CREB3L3: variants seen among roughly 807,000 people sequenced by gnomAD.
CREB3L3 encodes cyclic AMP-responsive element-binding protein 3-like protein 3.
Under a neutral mutation model 44.6 loss-of-function variants are expected in CREB3L3, and 40 were observed. That is an observed-to-expected ratio of 0.90 (90% CI 0.70 to 1.17). CREB3L3 has a LOEUF of 1.17. Among genes scored for constraint, CREB3L3 ranks in the 50% most tolerant of loss-of-function variants. The pLI, the probability that CREB3L3 is intolerant of heterozygous loss-of-function variation, is 0.00. For synonymous variants in CREB3L3, 273 were observed against 256.3 expected, an observed-to-expected ratio of 1.06 and a Z score of -0.62; for missense variants, 578 against 595.8, an observed-to-expected ratio of 0.97 and a Z score of 0.31.
chr19:4,172,344 C>T lies in CREB3L3; in HGVS notation c.*375C>T, dbSNP rs1967072382. On this transcript the variant is annotated 3_prime_UTR_variant, in exon 10 of 10. Coordinates refer to ENST00000078445, the MANE Select transcript of CREB3L3 (RefSeq NM_032607.3). ...ACAGACAGACAGACACAGCCTGAAA[C>T]AGACCCAGACAGACAGACAGACAGC... 2.5e-6 allele frequency: 1 copy of T among 401,168 alleles called. No individual in the cohort carries two copies. Among genetic ancestry groups the T allele is most frequent in the Non-Finnish European group, 4.6e-6 (1 of 218,248 alleles). The allele number at this position is 401,168 out of a possible 1,614,324, so 24.9% of individuals were successfully genotyped here.
Position 4,172,115 on chromosome 19 carries a change from A to C in CREB3L3, c.*146A>C. ...TGGGGGAGGCACAGCTCATAGCCAC[A>C]CACCCAGGGCCTGACTGAGGCCCAC... On this transcript the variant is annotated 3_prime_UTR_variant, in exon 10 of 10. Transcript: ENST00000078445. 1 of 890,310 alleles carries C rather than the reference A, an allele frequency of 1.1e-6. No individual in the cohort carries two copies. Among genetic ancestry groups the C allele is most frequent in the South Asian group, 1.8e-5 (1 of 56,446 alleles). The allele number at this position is 890,310 out of a possible 1,614,324, so 55.2% of individuals were successfully genotyped here. A position where few individuals can be genotyped will look rare whatever the true frequency, so the allele number is the denominator to read the frequency against.
chr19:4,168,319 C>T, intron 5 of CREB3L3, 32 bp from the exon 6 acceptor site: 3 of 1,577,008 alleles, frequency 1.9e-6, no homozygotes, highest in Non-Finnish European at 2.6e-6. Context: ...GACTTTCTGG[C>T]CTGAAACCCT....
At position 4,153,646 on chromosome 19, in the gene CREB3L3, G is replaced by T; in HGVS notation, c.-102G>T. On this transcript the variant is annotated 5_prime_UTR_variant, in exon 1 of 10. Coordinates refer to ENST00000078445, the MANE Select transcript of CREB3L3 (RefSeq NM_032607.3). ...TGGGAGTGGTGACAGAGCCACAGAG[G>T]GCTGTGAGCTTGCCCGGCCCCAGGT... 2 of 1,413,224 alleles carry T rather than the reference G, an allele frequency of 1.4e-6. No individual in the cohort carries two copies. Among genetic ancestry groups the T allele is most frequent in the Non-Finnish European group, 2.0e-6 (2 of 1,006,864 alleles). The allele number at this position is 1,413,224 out of a possible 1,614,324, so 87.5% of individuals were successfully genotyped here.
rs375783448 is a variant in CREB3L3 at position 4,171,089 on chromosome 19, A to G, written c.891-2A>G. 29 of 1,613,420 alleles carry G rather than the reference A, an allele frequency of 1.8e-5. No individual in the cohort carries two copies. Among genetic ancestry groups the G allele is most frequent in the Non-Finnish European group, 2.5e-5 (29 of 1,179,472 alleles). On this transcript the variant is annotated splice_acceptor_variant, in intron 7 of 9. Transcript: ENST00000078445. LOFTEE classifies it high-confidence loss of function. This position sits in a 1 kb window ranked among gnomAD's most constrained non-coding sequence, Gnocchi z 4.9. Reference sequence around the variant, plus strand: ...CAGCGGAGGCCTGCCTGTCTCTCTAAGGTCCCTCTTGGAGCAACTGAAGAA... The same window carrying G: ...CAGCGGAGGCCTGCCTGTCTCTCTAGGGTCCCTCTTGGAGCAACTGAAGAA...
Position 4,153,822 on chromosome 19 carries a change from A to G in CREB3L3, c.27+48A>G, listed in dbSNP as rs1324874681. ...GGAGAGCGGGAGTCTAGGCTGGGAA[A>G]GCCTACCCAAGCTGCCAGAGCTGGA... On this transcript the variant is annotated intron_variant, in intron 1 of 9. Coordinates refer to ENST00000078445, the MANE Select transcript of CREB3L3 (RefSeq NM_032607.3). 5 of 1,606,436 alleles carry G rather than the reference A, an allele frequency of 3.1e-6. No individual in the cohort carries two copies. The African/African-American group carries it at 4.0e-5, about 13-fold the overall frequency.
At chr19:4,169,495 A>G (rs1966995204) in intron 6 of CREB3L3, among the ~76,000 whole-genome samples, 1 of 151,852 alleles carries the variant, frequency 6.6e-6, no homozygotes, top group Non-Finnish European at 1.5e-5. Context: ...ACAAACAAAC[A>G]AAAAAAGAAA....
chr19:4,164,514 C>T lies in CREB3L3; in HGVS notation c.588C>T (p.His196=), dbSNP rs781195110. 1 of 1,614,080 alleles carries T rather than the reference C, an allele frequency of 6.2e-7. No homozygotes were observed. Among genetic ancestry groups the T allele is most frequent in the Non-Finnish European group, 8.5e-7 (1 of 1,180,032 alleles). Residue 196 remains histidine, a synonymous_variant, in exon 5 of 10, where the codon CAC becomes CAT. Transcript: ENST00000078445. ...SGSSGDLQQH[H]LGASYLLRPG... ...GATTTTTTCCGTAGCAACAGCATCA[C>T]CTGGGGGCCTCCTACCTCCTGCGAC...
Position 4,157,118 on chromosome 19 carries a change from C to A in CREB3L3, c.280C>A (p.Pro94Thr), listed in dbSNP as rs376080374. The change falls in exon 3 of 10, where the codon CCC becomes ACC. Residue 94 changes from proline (P) to threonine (T), a missense_variant. Physicochemically the swap from Pro to Thr is conservative, Grantham distance 38. Transcript: ENST00000078445. Reference protein sequence around the residue: ...GSDSGISEDLPSDPQDTPPRS... With the variant: ...GSDSGISEDLTSDPQDTPPRS... ...TGATAGTGGCATCTCCGAAGACCTCCCCTCCGACCCCCAGGACACCCCTCC... is the reference window on the plus strand; with the variant it reads ...TGATAGTGGCATCTCCGAAGACCTCACCTCCGACCCCCAGGACACCCCTCC... 1.2e-5 allele frequency: 20 copies of A among 1,614,040 alleles called. No homozygotes were observed. Among genetic ancestry groups the A allele is most frequent in the East Asian group, 4.5e-5 (2 of 44,868 alleles).
rs1599327015 is a variant in CREB3L3, at chr19:4,153,691, C to T, written c.-57C>T. 3.1e-6 allele frequency: 5 copies of T among 1,607,026 alleles called. No homozygotes were observed. In the South Asian group the frequency reaches 5.5e-5, roughly 18 times the overall value. On this transcript the variant is annotated 5_prime_UTR_variant, in exon 1 of 10. Transcript: ENST00000078445. ...CCAGGTAACGCTGGCGGTGGGTGGG[C>T]CTCCAGCTTGGAGCAGAGACCCCCC...
chr19:4,169,829 C>T (rs1055272268), intron 6 of CREB3L3, among the ~76,000 whole-genome samples: 8 of 152,008 alleles, frequency 5.3e-5, no homozygotes, highest in African/African-American at 1.7e-4. Flanking sequence ...GAACTCCTGA[C>T]CTCAGGTGAT....
chr19:4,171,245 A>AT lies in CREB3L3; in HGVS notation c.975+71dup. ...TAGAGGGGCCCATAGGGAGGTGACAATGAGTCCAAGCTCTCCTTGTGCCCC... is the reference window on the plus strand; with the variant it reads ...TAGAGGGGCCCATAGGGAGGTGACAATTGAGTCCAAGCTCTCCTTGTGCCCC... On this transcript the variant is annotated intron_variant, in intron 8 of 9. Coordinates refer to ENST00000078445, the MANE Select transcript of CREB3L3 (RefSeq NM_032607.3). This position sits in a 1 kb window ranked among gnomAD's most constrained non-coding sequence, Gnocchi z 4.9. 6.7e-7 allele frequency: 1 copy of AT among 1,492,866 alleles called. No homozygotes were observed. Among genetic ancestry groups the AT allele is most frequent in the Non-Finnish European group, 9.3e-7 (1 of 1,071,084 alleles). 92.5% of individuals were successfully genotyped at this position (1,492,866 alleles called of 1,614,324 possible).
intron 2 of CREB3L3, 136 bp from the exon 3 acceptor site, chr19:4,156,859 A>C: frequency 1.2e-6 from 1 of 847,672 alleles, no homozygotes; most frequent in Non-Finnish European, 1.8e-6. Flanking sequence ...CCCGGGAGGA[A>C]GAAGCAGTAA....
In CREB3L3 at chr19:4,155,908, C is replaced by T. The variant is rs188495903; in HGVS notation, c.156+881C>T. On this transcript the variant is annotated intron_variant, in intron 2 of 9. Transcript: ENST00000078445. ...GATTACAGGCAGCCGCCACCACGCT[C>T]GGCTAATTTCTTGTGTTTTTAGTAG... 5.5e-3 allele frequency among the ~76,000 whole-genome samples: 833 copies of T among 151,474 alleles called. 3 individuals are homozygous for T. The highest frequency in any genetic ancestry group is 8.9e-3 in the Non-Finnish European group (602 of 67,822).
At chr19:4,154,476 C>T (rs2041547179) in intron 1 of CREB3L3, among the ~76,000 whole-genome samples, 1 of 152,046 alleles carries the variant, frequency 6.6e-6, no homozygotes, top group Admixed American at 6.6e-5. Flanking sequence ...TTCAAGGGAT[C>T]CTCCTACCTC....
chr19:4,157,279 T>C lies in CREB3L3; in HGVS notation c.441T>C (p.Ser147=). Residue 147 remains serine, a synonymous_variant, in exon 3 of 10, where the codon TCT becomes TCC. Coordinates refer to ENST00000078445, the MANE Select transcript of CREB3L3 (RefSeq NM_032607.3). ...CAGTGATCCAAGTACCTGAAGCCTC[T>C]GTGACCATAGACCTGGGTGAGTCCT... ...PGPVIQVPEA[S]VTIDLEMWSP... 1.9e-6 allele frequency: 3 copies of C among 1,614,192 alleles called. No individual in the cohort carries two copies. The highest frequency in any genetic ancestry group is 2.5e-6 in the Non-Finnish European group (3 of 1,180,026).
Position 4,154,861 on chromosome 19 carries a change from G to T in CREB3L3, c.28-38G>T, listed in dbSNP as rs574524768. On this transcript the variant is annotated intron_variant, in intron 1 of 9. Transcript: ENST00000078445. The stretch of plus-strand genomic sequence containing the variant: ...CACATGGGAGGTGGGGAGGACAGGG[G>T]CTGTATGTGACCCTCACATCTGTTC... 7 of 1,613,114 alleles carry T rather than the reference G, an allele frequency of 4.3e-6. No individual in the cohort carries two copies. In the East Asian group the frequency reaches 1.3e-4, roughly 31 times the overall value.
intron 4 of CREB3L3, among the ~76,000 whole-genome samples, chr19:4,163,135 G>A (rs371149833): frequency 2.6e-5 from 4 of 151,812 alleles, no homozygotes; most frequent in South Asian, 2.1e-4. Context: ...GTGAAACCCC[G>A]TCTCTACTAA....
intron 4 of CREB3L3, among the ~76,000 whole-genome samples, chr19:4,160,740 C>CTTT (rs36045723): frequency 7.2e-6 from 1 of 139,644 alleles, no homozygotes; most frequent in Non-Finnish European, 1.5e-5. Context: ...TTTCTTTTTT[C>CTTT]TTTTTTTTTT....
intron 3 of CREB3L3, among the ~76,000 whole-genome samples, chr19:4,158,117 C>G (rs2041609639): frequency 6.6e-6 from 1 of 152,104 alleles, no homozygotes; most frequent in Non-Finnish European, 1.5e-5. Context: ...CAGGCAGAGC[C>G]CTGGCTGGAG....
Sources: gnomAD v4.1 joint callset for allele counts (sites outside exome capture counted in the v4.1 genomes callset) on GRCh38, gnomAD v4.1.1 for gene constraint, Gnocchi (gnomAD v3.1) non-coding constraint, MANE v1.5 for transcripts, NCBI Gene and HGNC (gene_info 2026-07-23, HGNC 2026-07-21) for gene names.